The following VIPR1 variants were observed in gnomAD, a reference collection of about 807,000 sequenced individuals.
The protein encoded by VIPR1 is vasoactive intestinal peptide receptor 1.
In VIPR1, 59 loss-of-function variants were observed where a neutral mutation model predicts 58.8. That is an observed-to-expected ratio of 1.00 (90% CI 0.81 to 1.25). VIPR1 has a LOEUF of 1.25. VIPR1 is among the 50% of genes most tolerant of loss of function. The pLI, the probability that VIPR1 is intolerant of heterozygous loss-of-function variation, is 0.00. For missense variants in VIPR1, 626 were observed against 602.7 expected, an observed-to-expected ratio of 1.04 and a Z score of -0.40; for synonymous variants, 251 against 242.1, an observed-to-expected ratio of 1.04 and a Z score of -0.34.
At chr3:42,492,387 G>A (rs1384327121) in intron 1 of VIPR1, 1 of 152,548 alleles carries the variant, frequency 6.6e-6, no homozygotes, top group Non-Finnish European at 1.5e-5. Flanking sequence ...CAGCTTCCCA[G>A]GCCTGCTCTC....
intron 1 of VIPR1, among the ~76,000 whole-genome samples, chr3:42,494,529 A>G (rs1699723944): frequency 6.6e-6 from 1 of 152,218 alleles, no homozygotes; most frequent in Non-Finnish European, 1.5e-5. Context: ...AGATGTTCAA[A>G]TATATTGGCA....
At chr3:42,489,806 C>G (rs1162929057) in intron 1 of VIPR1, 1 of 152,248 alleles carries the variant, frequency 6.6e-6, no homozygotes, top group Non-Finnish European at 1.5e-5. Flanking sequence ...TCTGTACTTT[C>G]TTACTCCGCA....
Position 42,525,888 on chromosome 3 carries a change from C to T in VIPR1, c.294C>T (p.Gly98=), listed in dbSNP as rs572247711. The change falls in exon 4 of 13, where the codon GGC becomes GGT. Residue 98 remains glycine, a splice_region_variant and synonymous_variant. Transcript: ENST00000325123. ...LIFKLFSSIQ[G]RNVSRSCTDE... is the part of the protein sequence containing the mutation. ...TCCTTGCCCCTGCCCTCCACCCAGG[C>T]CGCAATGTAAGCCGCAGCTGCACCG... 6.2e-7 allele frequency: 1 copy of T among 1,607,820 alleles called. No individual in the cohort carries two copies. The highest frequency in any genetic ancestry group is 8.5e-7 in the Non-Finnish European group (1 of 1,177,410).
intron 1 of VIPR1, among the ~76,000 whole-genome samples, chr3:42,492,835 G>A (rs906729330): frequency 6.6e-6 from 1 of 152,168 alleles, no homozygotes; most frequent in Admixed American, 6.5e-5. Context: ...GGGTACACAG[G>A]AGGCTGCGCC....
intron 1 of VIPR1, among the ~76,000 whole-genome samples, chr3:42,510,901 G>A (rs114025516): frequency 1.5e-4 from 23 of 152,176 alleles, no homozygotes; most frequent in Non-Finnish European, 2.5e-4. Context: ...TCAGAGAGTC[G>A]CAAGCAGAAG....
intron 10 of VIPR1, chr3:42,533,276 T>A (rs1438298338): frequency 6.6e-6 from 1 of 152,190 alleles, no homozygotes; most frequent in Non-Finnish European, 1.5e-5. Flanking sequence ...CTGGCTAGAA[T>A]GTCACAGACT....
intron 3 of VIPR1, among the ~76,000 whole-genome samples, chr3:42,522,157 G>A (rs1410019732): frequency 1.2e-4 from 16 of 128,754 alleles, no homozygotes. Context: ...TGTCCCCCAG[G>A]CTGGAGTGCA....
At chr3:42,502,941 C>A in intron 1 of VIPR1, 128 bp downstream of exon 1, 1 of 709,614 alleles carries the variant, frequency 1.4e-6, no homozygotes, top group Non-Finnish European at 1.9e-6. Flanking sequence ...GGACATCAAG[C>A]ATCTCGACTC....
chr3:42,536,250 C>G lies in VIPR1; in HGVS notation c.1343C>G (p.Ser448Cys), dbSNP rs923331423. The G allele has an allele frequency of 4.4e-6, 7 of 1,584,008 alleles. No homozygotes were observed. The highest frequency in any genetic ancestry group is 5.1e-6 in the Non-Finnish European group (6 of 1,170,166). The part of the protein sequence containing the change: ...TRVSPGARRS[S>C]SFQAEVSLV Reference sequence around the variant, plus strand: ...GTCAGCCCAGGTGCCCGCCGCTCCTCCAGCTTCCAAGCCGAAGTCTCCCTG... The same window carrying G: ...GTCAGCCCAGGTGCCCGCCGCTCCTGCAGCTTCCAAGCCGAAGTCTCCCTG... Residue 448 changes from serine to cysteine, a missense_variant, in exon 13 of 13, where the codon TCC becomes TGC. Ser to Cys is a moderately radical substitution (Grantham distance 112). Coordinates refer to ENST00000325123, the MANE Select transcript of VIPR1 (RefSeq NM_004624.4).
chr3:42,495,396 C>G (rs542239374), intron 1 of VIPR1, among the ~76,000 whole-genome samples: 1 of 152,312 alleles, frequency 6.6e-6, no homozygotes, highest in South Asian at 2.1e-4. Flanking sequence ...GCTGGGATTA[C>G]AGGCATGAGC....
chr3:42,536,425 C>G lies in VIPR1; in HGVS notation c.*144C>G. 2 of 878,102 alleles carry G rather than the reference C, an allele frequency of 2.3e-6. No individual in the cohort carries two copies. Among genetic ancestry groups the G allele is most frequent in the Non-Finnish European group, 3.3e-6 (2 of 604,108 alleles). The allele number at this position is 878,102 out of a possible 1,614,324, so 54.4% of individuals were successfully genotyped here. ...GCCCCCGGCCCCCTGGTCTCTGGTC[C>G]GGACACTCCTAGAGAACGCAGCCCT... On this transcript the variant is annotated 3_prime_UTR_variant, in exon 13 of 13. Coordinates refer to ENST00000325123, the MANE Select transcript of VIPR1 (RefSeq NM_004624.4).
chr3:42,527,953 G>A (rs1406875745), intron 5 of VIPR1, 38 bp from the exon 6 acceptor site: 2 of 1,604,310 alleles, frequency 1.2e-6, no homozygotes, highest in Non-Finnish European at 1.7e-6. Flanking sequence ...GGGGATCCAA[G>A]GCCCCTTTGG....
chr3:42,525,857 C>G lies in VIPR1; in HGVS notation c.293-30C>G, dbSNP rs758334896. On this transcript the variant is annotated intron_variant, in intron 3 of 12. Coordinates refer to ENST00000325123, the MANE Select transcript of VIPR1 (RefSeq NM_004624.4). ...CAGGTCCCCATGCTCCCGGCCTCAG[C>G]CTTTGTCCTTGCCCCTGCCCTCCAC... is the stretch of plus-strand genomic sequence containing the variant. 1.9e-6 allele frequency: 3 copies of G among 1,577,970 alleles called. No homozygotes were observed. The African/African-American group carries it at 4.0e-5, about 21-fold the overall frequency.
At chr3:42,528,254 G>GGGAA in intron 6 of VIPR1, 131 bp downstream of exon 6, 1 of 1,262,576 alleles carries the variant, frequency 7.9e-7, no homozygotes, top group Non-Finnish European at 1.0e-6. Context: ...TCAATCCAAG[G>GGGAA]ATAGCCTAAC....
intron 1 of VIPR1, chr3:42,512,760 AG>A: frequency 1.0e-6 from 1 of 985,454 alleles, no homozygotes; most frequent in South Asian, 4.7e-5. Context: ...GGCAGAGATG[AG>A]GAAACTGGTG....
intron 1 of VIPR1, among the ~76,000 whole-genome samples, chr3:42,492,996 C>A (rs73067238): frequency 0.21 from 31,250 of 152,260 alleles, 3,405 homozygotes; most frequent in Non-Finnish European, 0.24. Context: ...TAACATTTTC[C>A]CAGAACAAAC....
chr3:42,536,441 A>AC lies in VIPR1; in HGVS notation c.*161dup, dbSNP rs1018227250. On this transcript the variant is annotated 3_prime_UTR_variant, in exon 13 of 13. Transcript: ENST00000325123. ...TCTCTGGTCCGGACACTCCTAGAGA[A>AC]CGCAGCCCTAGAGCCTGCCTGGAGC... 39 of 714,172 alleles carry AC rather than the reference A, an allele frequency of 5.5e-5. No individual in the cohort carries two copies. In the African/African-American group the frequency reaches 7.3e-4, roughly 13 times the overall value. 44.2% of individuals were successfully genotyped at this position (714,172 alleles called of 1,614,324 possible).
At chr3:42,517,819 T>C (rs1418718509) in intron 2 of VIPR1, among the ~76,000 whole-genome samples, 2 of 152,028 alleles carry the variant, frequency 1.3e-5, no homozygotes, top group Non-Finnish European at 2.9e-5. Flanking sequence ...CTACTAAAAA[T>C]ACAAAAATTA....
chr3:42,526,050 C>T, intron 4 of VIPR1, 57 bp downstream of exon 4: 2 of 1,489,858 alleles, frequency 1.3e-6, no homozygotes, highest in South Asian at 2.4e-5. Context: ...ACCTAGGAGA[C>T]TTTGATCTCT....
Sources: gnomAD v4.1 joint callset for allele counts (sites outside exome capture counted in the v4.1 genomes callset) on GRCh38, gnomAD v4.1.1 for gene constraint, MANE v1.5 for transcripts, NCBI Gene and HGNC (gene_info 2026-07-23, HGNC 2026-07-21) for gene names.